The following UGT2A1 variants were observed in gnomAD, a reference collection of about 807,000 sequenced individuals.
UGT2A1 encodes UDP-glucuronosyltransferase 2A1.
UGT2A1 carries 61 observed loss-of-function variants against 45.4 expected under a neutral mutation model. The observed-to-expected ratio is 1.34, with a 90% confidence interval of 1.09 to 1.66. The LOEUF (loss-of-function observed/expected upper bound fraction) is 1.66, where lower values mean the gene tolerates loss of function less well. Ranked by LOEUF, UGT2A1 falls within the 40% of genes most tolerant of loss-of-function variation. UGT2A1 has a pLI of 0.00. For missense variants in UGT2A1, 649 were observed against 574.3 expected (o/e 1.13, Z -1.33); for synonymous variants, 229 against 196.2 (o/e 1.17, Z -1.40).
chr4:69,637,997 CAGGAAGGAAGGA>C (rs200856756), intron 2 of UGT2A1, among the ~76,000 whole-genome samples: 1 of 132,986 alleles, frequency 7.5e-6, no homozygotes, highest in Non-Finnish European at 1.6e-5. Context: ...GGAAGGCAGG[CAGGAAGGAAGGA>C]AGGAAGGAAG....
intron 3 of UGT2A1, among the ~76,000 whole-genome samples, chr4:69,617,233 C>T (rs1348026371): frequency 6.6e-6 from 1 of 151,884 alleles, no homozygotes; most frequent in Non-Finnish European, 1.5e-5. Flanking sequence ...TTAAATCTCA[C>T]TTGAGACTTT....
intron 3 of UGT2A1, among the ~76,000 whole-genome samples, chr4:69,627,598 A>AAAAGAAAGAAAGAAAGAAAAG (rs143064060): frequency 6.7e-6 from 1 of 149,112 alleles, no homozygotes; most frequent in South Asian, 2.1e-4. Flanking sequence ...AAGAAGAAAG[A>AAAAGAAAGAAAGAAAGAAAAG]AAAGAAAGAA....
At chr4:69,634,175 G>T (rs1379507888) in intron 3 of UGT2A1, among the ~76,000 whole-genome samples, 1 of 152,064 alleles carries the variant, frequency 6.6e-6, no homozygotes, top group African/African-American at 2.4e-5. Flanking sequence ...AACCCGGGAG[G>T]CGGAGCTTGC....
chr4:69,627,564 G>A lies in UGT2A1; in HGVS notation c.847+8127C>T, dbSNP rs188696717. Among the ~76,000 whole-genome samples the A allele has an allele frequency of 1.7e-3, 253 of 145,474 alleles. 3 individuals are homozygous for A. The highest frequency in any genetic ancestry group is 0.012 in the South Asian group (52 of 4,506). On this transcript the variant is annotated intron_variant, in intron 3 of 6. Coordinates refer to ENST00000286604, the MANE Select transcript of UGT2A1 (RefSeq NM_001252275.3). ...AGAGAGAGAAAGAGAGAGAGAGAGA[G>A]AGAAAGAAAGAGAGAAAGAAAAAAA...
At chr4:69,594,392 C>T (rs1718781965) in intron 6 of UGT2A1, 85 bp downstream of exon 6, 2 of 1,508,186 alleles carry the variant, frequency 1.3e-6, no homozygotes, top group East Asian at 2.3e-5. Context: ...AAAATAATTA[C>T]AAAAGTATAA....
chr4:69,594,217 G>A (rs1228219521), intron 6 of UGT2A1, among the ~76,000 whole-genome samples: 1 of 151,904 alleles, frequency 6.6e-6, no homozygotes, highest in Non-Finnish European at 1.5e-5. Context: ...CTTGTGATCT[G>A]CCACCCTCAG....
At chr4:69,640,215 C>G (rs1721976562) in intron 2 of UGT2A1, among the ~76,000 whole-genome samples, 1 of 151,902 alleles carries the variant, frequency 6.6e-6, no homozygotes, top group African/African-American at 2.4e-5. Context: ...GACCCAGATT[C>G]AAATATTGTC....
In UGT2A1 at chr4:69,641,064, A is replaced by G. The variant is rs190076175; in HGVS notation, c.716-5242T>C. Among the ~76,000 whole-genome samples, 153 of 152,028 alleles carry G rather than the reference A, an allele frequency of 1.0e-3. 1 individual carries two copies. The highest frequency in any genetic ancestry group is 1.8e-3 in the Non-Finnish European group (125 of 67,878). On this transcript the variant is annotated intron_variant, in intron 2 of 6. Coordinates refer to ENST00000286604, the MANE Select transcript of UGT2A1 (RefSeq NM_001252275.3). ...ATATTGAGTTACATGTAAGAAAAAT[A>G]TAATAATTAATTAGGGATTACTCAC... is the stretch of plus-strand genomic sequence containing the variant.
chr4:69,617,117 C>T (rs759107008), intron 3 of UGT2A1, among the ~76,000 whole-genome samples: 1 of 151,922 alleles, frequency 6.6e-6, no homozygotes, highest in Non-Finnish European at 1.5e-5. Flanking sequence ...AATTACAGAA[C>T]TATTGTTAGT....
At chr4:69,594,266 G>T (rs553340423) in intron 6 of UGT2A1, among the ~76,000 whole-genome samples, 52 of 152,118 alleles carry the variant, frequency 3.4e-4, no homozygotes, top group African/African-American at 1.3e-3. Flanking sequence ...GAGCCACTGC[G>T]CCCGGCCAAT....
rs749045921 is a variant in UGT2A1 at position 69,647,599 on chromosome 4, C to T, written c.46G>A (p.Gly16Arg). ...LLFSLQISLI[G>R]TTLGGNVLIW... is the part of the protein sequence containing the mutation. ...AAAACATTCCCACCAAGAGTGGTTC[C>T]TATGAGACTTATCTGAAGGGAGAAC... is the stretch of plus-strand genomic sequence containing the variant. Residue 16 changes from glycine (G) to arginine (R), a missense_variant, in exon 2 of 7, where the codon GGA (glycine) becomes AGA (arginine). Coordinates refer to ENST00000286604, the MANE Select transcript of UGT2A1 (RefSeq NM_001252275.3). 6.9e-6 allele frequency: 11 copies of T among 1,605,364 alleles called. No individual in the cohort carries two copies. The East Asian group carries it at 2.5e-4, about 36-fold the overall frequency.
chr4:69,647,760 C>A, intron 1 of UGT2A1, 62 bp from the exon 2 acceptor site: 1 of 681,692 alleles, frequency 1.5e-6, no homozygotes, highest in Admixed American at 3.5e-5. Context: ...CCATTAATAT[C>A]CTTAAAAGCC....
intron 3 of UGT2A1, among the ~76,000 whole-genome samples, chr4:69,632,663 G>A (rs1721451188): frequency 6.6e-6 from 1 of 152,044 alleles, no homozygotes; most frequent in Non-Finnish European, 1.5e-5. Flanking sequence ...GCAGAGGCGG[G>A]CAGATCACAA....
intron 2 of UGT2A1, among the ~76,000 whole-genome samples, chr4:69,637,997 CAGGAAGGA>C (rs200856756): frequency 5.3e-4 from 71 of 133,074 alleles, no homozygotes; most frequent in East Asian, 5.2e-3. Flanking sequence ...GGAAGGCAGG[CAGGAAGGA>C]AGGAAGGAAG....
intron 3 of UGT2A1, among the ~76,000 whole-genome samples, chr4:69,624,048 G>T (rs1197178480): frequency 6.6e-6 from 1 of 151,420 alleles, no homozygotes; most frequent in Non-Finnish European, 1.5e-5. Flanking sequence ...TTTATTTTCT[G>T]TGTGCTTGTA....
At chr4:69,617,586 A>G (rs1720478056) in intron 3 of UGT2A1, among the ~76,000 whole-genome samples, 1 of 151,860 alleles carries the variant, frequency 6.6e-6, no homozygotes, top group African/African-American at 2.4e-5. Context: ...ACTGTTTCAA[A>G]TTAGGGCTAG....
chr4:69,607,406 A>G (rs1486798055), intron 3 of UGT2A1, among the ~76,000 whole-genome samples: 1 of 151,962 alleles, frequency 6.6e-6, no homozygotes, highest in Non-Finnish European at 1.5e-5. Context: ...TACACCTTAT[A>G]CAAAAATTAA....
chr4:69,639,612 G>C (rs778399316), intron 2 of UGT2A1: 1 of 1,598,846 alleles, frequency 6.3e-7, no homozygotes, highest in Non-Finnish European at 8.5e-7. Context: ...AAACTTCTTA[G>C]GCATGGTAAA....
chr4:69,647,117 G>T lies in UGT2A1; in HGVS notation c.528C>A (p.Ala176=). 3 of 1,612,930 alleles carry T rather than the reference G, an allele frequency of 1.9e-6. No individual in the cohort carries two copies. The highest frequency in any genetic ancestry group is 2.5e-6 in the Non-Finnish European group (3 of 1,179,332). Reference sequence around the variant, plus strand: ...TCCCACAGTGCTTTTCCACTGTTGAGGCTGGAGAAAACCTCAAGGAGTACA... The same window carrying T: ...TCCCACAGTGCTTTTCCACTGTTGATGCTGGAGAAAACCTCAAGGAGTACA... The part of the protein sequence containing the change: ...PFMYSLRFSP[A]STVEKHCGKV... Residue 176 remains alanine, a synonymous_variant, in exon 2 of 7, where the codon GCC becomes GCA. Transcript: ENST00000286604.
Sources: allele counts gnomAD v4.1 joint callset (sites outside exome capture counted in the v4.1 genomes callset), GRCh38; gene constraint gnomAD v4.1.1; transcripts MANE v1.5; gene names NCBI Gene and HGNC (gene_info 2026-07-23, HGNC 2026-07-21).